FGD5: variants seen among roughly 807,000 people sequenced by gnomAD.
FGD5 encodes FYVE, RhoGEF and PH domain containing 5, also known as FYVE, RhoGEF and PH domain-containing protein 5.
FGD5 carries 28 observed loss-of-function variants against 133.4 expected under a neutral mutation model. That is an observed-to-expected ratio of 0.21 (90% CI 0.16 to 0.29). The LOEUF (loss-of-function observed/expected upper bound fraction) is 0.29, where lower values mean the gene tolerates loss of function less well. Ranked by LOEUF, FGD5 falls within the 10% of genes least tolerant of loss-of-function variation. The pLI, the probability that FGD5 is intolerant of heterozygous loss-of-function variation, is 1.00. For missense variants in FGD5, 1,858 were observed against 1,895.2 expected, an observed-to-expected ratio of 0.98 and a Z score of 0.36; for synonymous variants, 810 against 776.5, an observed-to-expected ratio of 1.04 and a Z score of -0.72.
intron 1 of FGD5, among the ~76,000 whole-genome samples, chr3:14,821,991 T>C (rs1452758336): frequency 6.6e-6 from 1 of 151,928 alleles, no homozygotes; most frequent in African/African-American, 2.4e-5. Flanking sequence ...TCCCAGCTGC[T>C]CGGGAGGCTG....
chr3:14,837,041 CCA>C (rs2036829397), intron 1 of FGD5, among the ~76,000 whole-genome samples: 1 of 152,154 alleles, frequency 6.6e-6, no homozygotes. Flanking sequence ...CACACAGTGA[CCA>C]GACTGCAGCA....
intron 1 of FGD5, among the ~76,000 whole-genome samples, chr3:14,863,262 G>T (rs1267021589): frequency 6.6e-6 from 1 of 152,228 alleles, no homozygotes; most frequent in African/African-American, 2.4e-5. Context: ...TGGCAAGAGG[G>T]AGCCACTGAA....
At chr3:14,855,146 A>C (rs545756426) in intron 1 of FGD5, among the ~76,000 whole-genome samples, 1 of 152,280 alleles carries the variant, frequency 6.6e-6, no homozygotes, top group East Asian at 1.9e-4. Context: ...TATTTCACTT[A>C]ACATAATGTC....
chr3:14,821,749 C>A (rs2036508629), intron 1 of FGD5, 153 bp downstream of exon 1: 4 of 1,087,048 alleles, frequency 3.7e-6, no homozygotes, highest in South Asian at 2.0e-5. Context: ...TATCTCTGAG[C>A]CTCGGTTACT....
Position 14,933,235 on chromosome 3 carries a change from C to T in FGD5, c.*68C>T. 1.3e-6 allele frequency: 2 copies of T among 1,562,840 alleles called. No homozygotes were observed. Among genetic ancestry groups the T allele is most frequent in the Non-Finnish European group, 1.7e-6 (2 of 1,144,450 alleles). ...TATGTGAATGCTTTTAGAAGCTAAG[C>T]TGTGGCTCAACTCATCCGGACACAC... On this transcript the variant is annotated 3_prime_UTR_variant, in exon 20 of 20. Coordinates refer to ENST00000285046, the MANE Select transcript of FGD5 (RefSeq NM_152536.4).
In FGD5 at chr3:14,933,436, C is replaced by A. The variant is rs960092266; in HGVS notation, c.*269C>A. 3.7e-5 allele frequency: 16 copies of A among 435,238 alleles called. 1 individual carries two copies. The South Asian group carries it at 5.6e-4, about 15-fold the overall frequency. The allele number at this position is 435,238 out of a possible 1,614,324, so 27.0% of individuals were successfully genotyped here. The stretch of plus-strand genomic sequence containing the variant: ...CCAGTAATAAACTATTTCCTTACCC[C>A]GCAGTGAGTTAAAATTTAGTAAGAT... On this transcript the variant is annotated 3_prime_UTR_variant, in exon 20 of 20. Coordinates refer to ENST00000285046, the MANE Select transcript of FGD5 (RefSeq NM_152536.4).
chr3:14,854,212 C>A (rs1016509502), intron 1 of FGD5, among the ~76,000 whole-genome samples: 12 of 152,040 alleles, frequency 7.9e-5, no homozygotes, highest in Admixed American at 7.9e-4. Flanking sequence ...GGTCACTAAA[C>A]TTAAAATGCT....
intron 1 of FGD5, among the ~76,000 whole-genome samples, chr3:14,854,391 T>C (rs542930773): frequency 1.6e-4 from 10 of 61,090 alleles, no homozygotes; most frequent in South Asian, 5.1e-4. Context: ...TCTTTTCTTT[T>C]TATTTATTTA....
At chr3:14,898,659 A>G in intron 6 of FGD5, 80 bp from the exon 7 acceptor site, 1 of 1,127,764 alleles carries the variant, frequency 8.9e-7, no homozygotes. Flanking sequence ...TGGATGGGAC[A>G]GTGTATATGG....
At chr3:14,835,985 G>A (rs1322695462) in intron 1 of FGD5, among the ~76,000 whole-genome samples, 1 of 152,214 alleles carries the variant, frequency 6.6e-6, no homozygotes, top group Non-Finnish European at 1.5e-5. Context: ...TACCAGGGAA[G>A]GGGCAGAGAT....
rs755399933 is a variant in FGD5, at chr3:14,924,017, T to C, written c.3947T>C (p.Val1316Ala). Residue 1316 changes from valine to alanine, a missense_variant, in exon 17 of 20, where the codon GTG becomes GCG. By Grantham distance (64) the Val-to-Ala change is moderately conservative (BLOSUM62 0). Around this residue, in one of 3 missense-constraint regions of FGD5, gnomAD observed 1,824 missense variants for 1,848.9 expected, o/e 0.99. Coordinates refer to ENST00000285046, the MANE Select transcript of FGD5 (RefSeq NM_152536.4). ...AVPGLMRERP[V>A]SMSFPLSSPR... ...CTTCTTTCAGTTACAGAGCGGCCTG[T>C]GAGCATGAGCTTCCCGCTGTCTTCA... 1.2e-6 allele frequency: 2 copies of C among 1,613,986 alleles called. No homozygotes were observed. Among genetic ancestry groups the C allele is most frequent in the Non-Finnish European group, 1.7e-6 (2 of 1,179,888 alleles).
chr3:14,859,517 C>G (rs55650398), intron 1 of FGD5, among the ~76,000 whole-genome samples: 3,067 of 152,068 alleles, frequency 0.02, 88 homozygotes, highest in African/African-American at 0.07. Context: ...GAGATCACAT[C>G]ACACTGCACT....
At chr3:14,848,041 C>A (rs1009375722) in intron 1 of FGD5, among the ~76,000 whole-genome samples, 1 of 152,130 alleles carries the variant, frequency 6.6e-6, no homozygotes, top group African/African-American at 2.4e-5. Flanking sequence ...CTGTCAGCCG[C>A]GGGGTGTGGC....
chr3:14,860,223 A>T (rs2037371178), intron 1 of FGD5, among the ~76,000 whole-genome samples: 1 of 152,174 alleles, frequency 6.6e-6, no homozygotes, highest in Non-Finnish European at 1.5e-5. Context: ...GCCCACAGGA[A>T]TGTCTTGTCG....
chr3:14,867,033 C>G (rs1032750367), intron 2 of FGD5, among the ~76,000 whole-genome samples: 1 of 152,214 alleles, frequency 6.6e-6, no homozygotes, highest in Non-Finnish European at 1.5e-5. Flanking sequence ...CCTCCTCCCC[C>G]TCATTCTTCT....
chr3:14,853,301 G>A (rs188875532), intron 1 of FGD5, among the ~76,000 whole-genome samples: 1 of 152,262 alleles, frequency 6.6e-6, no homozygotes, highest in East Asian at 1.9e-4. Flanking sequence ...AAGGAGTGGA[G>A]CGAATGTCTG....
intron 10 of FGD5, among the ~76,000 whole-genome samples, chr3:14,908,544 GA>G (rs1297947980): frequency 6.6e-6 from 1 of 151,810 alleles, no homozygotes; most frequent in East Asian, 1.9e-4. Flanking sequence ...TATAATTCTG[GA>G]AAAAATAATT....
chr3:14,911,640 TTGACTGAGCACCTCG>T (rs1188611246), intron 11 of FGD5, among the ~76,000 whole-genome samples: 9 of 151,798 alleles, frequency 5.9e-5, no homozygotes, highest in South Asian at 2.1e-4. Flanking sequence ...GTTCCAGGCG[TTGACTGAGCACCTCG>T]TGTGTGCTGG....
intron 1 of FGD5, among the ~76,000 whole-genome samples, chr3:14,824,104 T>C (rs2036558091): frequency 6.6e-6 from 1 of 152,220 alleles, no homozygotes; most frequent in Admixed American, 6.5e-5. Context: ...AAGGCCAGAC[T>C]GACTGGAATA....
Sources: gnomAD v4.1 joint callset for allele counts (sites outside exome capture counted in the v4.1 genomes callset) on GRCh38, gnomAD v4.1.1 for gene constraint, gnomAD v4.1.1 regional missense constraint, MANE v1.5 for transcripts, NCBI Gene and HGNC (gene_info 2026-07-23, HGNC 2026-07-21) for gene names.